Variants in EPHA6 observed in about 807,000 individuals in gnomAD.
The protein encoded by EPHA6 is EPH receptor A6.
A neutral mutation model predicts 112.0 loss-of-function variants in EPHA6; 50 were observed. The observed-to-expected ratio is 0.45, with a 90% CI of 0.36 to 0.56. EPHA6 has a LOEUF of 0.56. Among genes scored for constraint, EPHA6 ranks in the 20% least tolerant of loss-of-function variants. The pLI, the probability that EPHA6 is intolerant of heterozygous loss-of-function variation, is 0.00. For synonymous variants in EPHA6, 529 were observed against 490.7 expected (o/e 1.08, Z -1.03); for missense variants, 1,280 against 1,417.4 (o/e 0.90, Z 1.56).
intron 3 of EPHA6, among the ~76,000 whole-genome samples, chr3:97,182,476 A>ATTGG (rs2077016274): frequency 6.6e-6 from 1 of 152,026 alleles, no homozygotes; most frequent in Admixed American, 6.6e-5. Context: ...GTCTTTACAG[A>ATTGG]TTGGTTCCTT....
intron 3 of EPHA6, among the ~76,000 whole-genome samples, chr3:97,221,732 G>A (rs1231444620): frequency 6.6e-6 from 1 of 151,776 alleles, no homozygotes; most frequent in Non-Finnish European, 1.5e-5. Flanking sequence ...CATTTTTACA[G>A]TGTTTATAAA....
intron 3 of EPHA6, among the ~76,000 whole-genome samples, chr3:97,059,509 A>C (rs1320220463): frequency 6.6e-6 from 1 of 152,034 alleles, no homozygotes; most frequent in Admixed American, 6.6e-5. Context: ...ATATATTATC[A>C]TCAAAGGTAT....
At chr3:96,972,419 AC>A (rs1264329551) in intron 2 of EPHA6, among the ~76,000 whole-genome samples, 18 of 75,786 alleles carry the variant, frequency 2.4e-4, no homozygotes, top group African/African-American at 4.1e-4. Flanking sequence ...AGAAACACAC[AC>A]ACAAACACAC....
chr3:96,922,806 C>G (rs1297127205), intron 2 of EPHA6, among the ~76,000 whole-genome samples: 1 of 152,116 alleles, frequency 6.6e-6, no homozygotes, highest in African/African-American at 2.4e-5. Flanking sequence ...TCTATCCCAC[C>G]AAGCCCTGTC....
chr3:97,725,799 C>T (rs997622029), intron 15 of EPHA6, among the ~76,000 whole-genome samples: 9 of 152,050 alleles, frequency 5.9e-5, no homozygotes, highest in African/African-American at 7.2e-5. Context: ...AGATGTTGTC[C>T]CGTCATCAAC....
intron 2 of EPHA6, among the ~76,000 whole-genome samples, chr3:96,924,035 T>G (rs1335500990): frequency 6.6e-6 from 1 of 152,218 alleles, no homozygotes; most frequent in Non-Finnish European, 1.5e-5. Context: ...CATGCTGTTT[T>G]TGTTACTCTA....
At chr3:97,674,877 A>G (rs767678794) in intron 14 of EPHA6, among the ~76,000 whole-genome samples, 1 of 152,106 alleles carries the variant, frequency 6.6e-6, no homozygotes. Flanking sequence ...GACTTACTTC[A>G]TCGGGAATTC....
At chr3:97,193,297 G>A (rs1043572933) in intron 3 of EPHA6, among the ~76,000 whole-genome samples, 2 of 151,928 alleles carry the variant, frequency 1.3e-5, no homozygotes, top group Non-Finnish European at 1.5e-5. Context: ...CATTTTCTGT[G>A]ACCTCTTGAG....
intron 9 of EPHA6, among the ~76,000 whole-genome samples, chr3:97,482,759 A>C (rs2091589704): frequency 6.6e-6 from 1 of 152,218 alleles, no homozygotes; most frequent in South Asian, 2.1e-4. Flanking sequence ...GTATTATAAG[A>C]CTTTCAAAAT....
intron 3 of EPHA6, among the ~76,000 whole-genome samples, chr3:97,021,883 C>T (rs952861363): frequency 6.6e-6 from 1 of 152,164 alleles, no homozygotes; most frequent in African/African-American, 2.4e-5. Context: ...ATCACATGGT[C>T]GATGCCTTTT....
At chr3:97,517,027 T>C (rs2092458342) in intron 10 of EPHA6, among the ~76,000 whole-genome samples, 1 of 152,154 alleles carries the variant, frequency 6.6e-6, no homozygotes, top group Non-Finnish European at 1.5e-5. Context: ...CATGGTTAGA[T>C]GGTCTTCTTG....
At chr3:96,815,248 A>C (rs891900162) in intron 1 of EPHA6, among the ~76,000 whole-genome samples, 4 of 152,022 alleles carry the variant, frequency 2.6e-5, no homozygotes, top group South Asian at 2.1e-4. Flanking sequence ...CGTGAGCATC[A>C]GCTGCAGTTG....
At chr3:97,628,367 T>C (rs2093875960) in intron 13 of EPHA6, among the ~76,000 whole-genome samples, 1 of 152,022 alleles carries the variant, frequency 6.6e-6, no homozygotes, top group Non-Finnish European at 1.5e-5. Flanking sequence ...CCTAAGGTTA[T>C]TGCACTACAG....
intron 7 of EPHA6, among the ~76,000 whole-genome samples, chr3:97,466,833 T>G (rs2091072733): frequency 6.6e-6 from 1 of 151,898 alleles, no homozygotes; most frequent in African/African-American, 2.4e-5. Context: ...TCAAAGTACA[T>G]ATAAACTCCT....
intron 1 of EPHA6, among the ~76,000 whole-genome samples, chr3:96,837,222 A>G (rs1054643467): frequency 2.0e-5 from 3 of 152,152 alleles, no homozygotes; most frequent in Admixed American, 2.0e-4. Context: ...CTTAGATGTC[A>G]CGAGCACAGA....
chr3:97,357,380 T>C (rs1250618371), intron 5 of EPHA6, among the ~76,000 whole-genome samples: 3 of 152,124 alleles, frequency 2.0e-5, no homozygotes, highest in Non-Finnish European at 2.9e-5. Context: ...CTAGTTTCTT[T>C]ATAGTAGAAC....
chr3:97,324,413 C>CTTTCTTTCTT (rs1559883571), intron 5 of EPHA6, among the ~76,000 whole-genome samples: 5 of 116,814 alleles, frequency 4.3e-5, no homozygotes, highest in African/African-American at 1.4e-4. Context: ...TCTTTTCTTT[C>CTTTCTTTCTT]TTTCTTTCTT....
At chr3:97,457,169 G>C (rs1168794635) in intron 7 of EPHA6, among the ~76,000 whole-genome samples, 1 of 152,162 alleles carries the variant, frequency 6.6e-6, no homozygotes, top group Non-Finnish European at 1.5e-5. Flanking sequence ...CATGCACTAA[G>C]CTCAAGTAGG....
At chr3:97,119,838 C>T (rs2047993074) in intron 3 of EPHA6, among the ~76,000 whole-genome samples, 2 of 151,936 alleles carry the variant, frequency 1.3e-5, no homozygotes, top group Admixed American at 6.6e-5. Flanking sequence ...TTGTACTCTT[C>T]CTCTGCAGAA....
Sources: gnomAD v4.1 joint callset for allele counts (sites outside exome capture counted in the v4.1 genomes callset) on GRCh38, gnomAD v4.1.1 for gene constraint, MANE v1.5 for transcripts, NCBI Gene and HGNC (gene_info 2026-07-23, HGNC 2026-07-21) for gene names.